Variants in PPARGC1A observed in about 807,000 individuals in gnomAD.
PPARGC1A encodes the protein PPARG coactivator 1 alpha.
Under a neutral mutation model 88.7 loss-of-function variants are expected in PPARGC1A, and 25 were observed. The ratio of observed to expected loss-of-function variants is 0.28; its 90% CI spans 0.21 to 0.39. The LOEUF is 0.39. Among genes scored for constraint, PPARGC1A ranks in the 10% least tolerant of loss-of-function variants. The pLI is 1.00. For synonymous variants in PPARGC1A, 363 were observed against 355.6 expected, an observed-to-expected ratio of 1.02 and a Z score of -0.24; for missense variants, 880 against 968.7, an observed-to-expected ratio of 0.91 and a Z score of 1.22.
chr4:24,072,600 A>T, the PPARGC1A span, among the ~76,000 whole-genome samples: 4 of 152,214 alleles, frequency 2.6e-5, no homozygotes, highest in African/African-American at 9.6e-5. Context: ...AACCCCCCAA[A>T]ATTAATGATA....
At chr4:24,205,395 G>A in the PPARGC1A span, among the ~76,000 whole-genome samples, 1 of 152,134 alleles carries the variant, frequency 6.6e-6, no homozygotes, top group South Asian at 2.1e-4. Context: ...GTCACCGCCA[G>A]TATGATCAAG....
At chr4:24,098,045 G>A in the PPARGC1A span, among the ~76,000 whole-genome samples, 1 of 152,102 alleles carries the variant, frequency 6.6e-6, no homozygotes, top group African/African-American at 2.4e-5. Context: ...ATATGAGTTT[G>A]GATAGAAAAA....
At chr4:23,849,001 G>A (rs1046597185) in intron 2 of PPARGC1A, among the ~76,000 whole-genome samples, 4 of 152,016 alleles carry the variant, frequency 2.6e-5, no homozygotes, top group African/African-American at 9.7e-5. Flanking sequence ...AAATTTAGCC[G>A]GGCGTGGTAG....
chr4:23,994,216 T>A, the PPARGC1A span, among the ~76,000 whole-genome samples: 1 of 152,096 alleles, frequency 6.6e-6, no homozygotes, highest in Non-Finnish European at 1.5e-5. Flanking sequence ...GTCTATGTAA[T>A]TCCTGTGTTG....
upstream of PPARGC1A, among the ~76,000 whole-genome samples, chr4:23,906,416 C>T (rs1182424281): frequency 6.6e-6 from 1 of 151,644 alleles, no homozygotes. Flanking sequence ...AGTTCAAGAC[C>T]AGCCGGGCCA....
the PPARGC1A span, among the ~76,000 whole-genome samples, chr4:24,193,423 C>T: frequency 2.6e-5 from 4 of 152,198 alleles, no homozygotes; most frequent in African/African-American, 9.6e-5. Context: ...CATCTCACCT[C>T]TCCCCAGCCT....
chr4:24,196,834 T>C, the PPARGC1A span, among the ~76,000 whole-genome samples: 7 of 152,244 alleles, frequency 4.6e-5, no homozygotes, highest in Non-Finnish European at 1.0e-4. Context: ...AATTTATTTC[T>C]GTGAGGAAGG....
rs1367187212 is a variant in PPARGC1A at position 23,795,308 on chromosome 4, TATATATATATATA to T, written c.*501_*513del. On this transcript the variant is annotated 3_prime_UTR_variant, in exon 13 of 13. Coordinates refer to ENST00000264867, the MANE Select transcript of PPARGC1A (RefSeq NM_013261.5). ...TTTTTAATTTATATATATATATATA[TATATATATATATA>T]TATATATATTTCCTTTTGAATAGAA... The T allele has an allele frequency of 3.5e-5, 5 of 143,580 alleles. No homozygotes were observed. The highest frequency in any genetic ancestry group is 1.3e-4 in the African/African-American group (5 of 39,146). 8.9% of individuals were successfully genotyped at this position (143,580 alleles called of 1,614,324 possible).
At chr4:24,028,271 A>G in the PPARGC1A span, among the ~76,000 whole-genome samples, 1 of 152,026 alleles carries the variant, frequency 6.6e-6, no homozygotes, top group Non-Finnish European at 1.5e-5. Context: ...TTCATAGAAT[A>G]AGAAAACTGA....
At chr4:24,233,579 AACACATACACAC>A in the PPARGC1A span, among the ~76,000 whole-genome samples, 13 of 93,904 alleles carry the variant, frequency 1.4e-4, no homozygotes, top group Admixed American at 2.8e-4. Flanking sequence ...GACACACACA[AACACATACACAC>A]ACACACACAC....
chr4:24,120,629 C>T, the PPARGC1A span, among the ~76,000 whole-genome samples: 3 of 152,052 alleles, frequency 2.0e-5, no homozygotes, highest in African/African-American at 4.8e-5. Context: ...TATGTTGAAA[C>T]CCTAACCACC....
chr4:24,280,583 T>C, the PPARGC1A span, among the ~76,000 whole-genome samples: 2 of 152,150 alleles, frequency 1.3e-5, no homozygotes, highest in African/African-American at 4.8e-5. Flanking sequence ...AAACTTCTAT[T>C]ATCTGTCTCC....
chr4:24,266,804 C>A, the PPARGC1A span, among the ~76,000 whole-genome samples: 1 of 152,096 alleles, frequency 6.6e-6, no homozygotes, highest in South Asian at 2.1e-4. Context: ...TCTTCCCATT[C>A]CTCACTACCA....
the PPARGC1A span, among the ~76,000 whole-genome samples, chr4:24,067,218 ATAT>A: frequency 4.6e-5 from 7 of 152,134 alleles, no homozygotes; most frequent in Non-Finnish European, 1.0e-4. Flanking sequence ...TCTATAATAC[ATAT>A]TATTAATATA....
chr4:24,330,357 T>C, the PPARGC1A span, among the ~76,000 whole-genome samples: 2 of 152,180 alleles, frequency 1.3e-5, no homozygotes. Flanking sequence ...GCACAAAGAA[T>C]GTAAGAAGTC....
At chr4:23,996,098 A>G in the PPARGC1A span, among the ~76,000 whole-genome samples, 1 of 152,152 alleles carries the variant, frequency 6.6e-6, no homozygotes, top group Admixed American at 6.6e-5. Context: ...AGTTGCCCAG[A>G]CATTGTAGCT....
the PPARGC1A span, among the ~76,000 whole-genome samples, chr4:23,981,915 G>T: frequency 5.9e-5 from 9 of 152,164 alleles, no homozygotes; most frequent in East Asian, 1.6e-3. Context: ...AAGAGTAACT[G>T]AATCGAAGAA....
chr4:24,401,042 A>G, the PPARGC1A span, among the ~76,000 whole-genome samples: 1 of 116,994 alleles, frequency 8.5e-6, no homozygotes, highest in East Asian at 2.4e-4. Flanking sequence ...TTTTTGAGAC[A>G]GAGTCTCGCT....
chr4:23,925,105 T>C, the PPARGC1A span, among the ~76,000 whole-genome samples: 80,789 of 152,044 alleles, frequency 0.53, 21,965 homozygotes, highest in Admixed American at 0.68. Flanking sequence ...AAAATATGGG[T>C]CTGAAAGCAT....
Sources: allele counts gnomAD v4.1 joint callset (sites outside exome capture counted in the v4.1 genomes callset), GRCh38; gene constraint gnomAD v4.1.1; transcripts MANE v1.5; gene names NCBI Gene and HGNC (gene_info 2026-07-23, HGNC 2026-07-21).